Variants in GPC6 observed in about 807,000 individuals in gnomAD.
GPC6 encodes glypican-6.
A neutral mutation model predicts 55.2 loss-of-function variants in GPC6; 14 were observed. The ratio of observed to expected loss-of-function variants is 0.25; its 90% confidence interval spans 0.17 to 0.40. The LOEUF (loss-of-function observed/expected upper bound fraction) is 0.40, where lower values mean the gene tolerates loss of function less well. GPC6 is among the 10% of genes least tolerant of loss of function. The pLI, the probability that GPC6 is intolerant of heterozygous loss-of-function variation, is 1.00. For missense variants in GPC6, 641 were observed against 708.5 expected (o/e 0.90, Z 1.08); for synonymous variants, 278 against 259.6 (o/e 1.07, Z -0.68).
intron 1 of GPC6, among the ~76,000 whole-genome samples, chr13:93,511,506 G>A (rs906146660): frequency 6.6e-6 from 1 of 151,744 alleles, no homozygotes; most frequent in African/African-American, 2.4e-5. Context: ...CTTTATTTCT[G>A]GGTTCTCTAT....
chr13:93,723,064 C>G (rs951908127), intron 2 of GPC6, among the ~76,000 whole-genome samples: 1 of 151,950 alleles, frequency 6.6e-6, no homozygotes, highest in Non-Finnish European at 1.5e-5. Context: ...ACCATTCAAC[C>G]CATAACATAC....
At chr13:94,075,048 G>C (rs1459519181) in intron 4 of GPC6, among the ~76,000 whole-genome samples, 1 of 151,976 alleles carries the variant, frequency 6.6e-6, no homozygotes, top group South Asian at 2.1e-4. Flanking sequence ...TTATAAATTT[G>C]TATAAACCCC....
intron 1 of GPC6, among the ~76,000 whole-genome samples, chr13:93,540,401 C>T (rs1392805006): frequency 1.3e-5 from 2 of 152,024 alleles, no homozygotes; most frequent in South Asian, 2.1e-4. Context: ...CCTAATCCTT[C>T]CTAGGAGCGA....
At chr13:93,431,018 C>T (rs977076490) in intron 1 of GPC6, among the ~76,000 whole-genome samples, 3 of 151,666 alleles carry the variant, frequency 2.0e-5, no homozygotes, top group African/African-American at 4.9e-5. Context: ...TCTACCATTA[C>T]GTGTTTGGAG....
chr13:94,012,380 T>C (rs1055264997), intron 3 of GPC6, among the ~76,000 whole-genome samples: 16 of 152,160 alleles, frequency 1.1e-4, no homozygotes, highest in African/African-American at 2.9e-4. Context: ...GACTTTCTCA[T>C]AGGGCTCATC....
At chr13:94,357,898 C>T (rs1878872183) in intron 6 of GPC6, among the ~76,000 whole-genome samples, 1 of 150,410 alleles carries the variant, frequency 6.6e-6, no homozygotes, top group African/African-American at 2.5e-5. Flanking sequence ...AAAGTAGAAC[C>T]GATGTCTTTT....
intron 3 of GPC6, among the ~76,000 whole-genome samples, chr13:93,975,398 G>A (rs1322213583): frequency 6.6e-6 from 1 of 152,136 alleles, no homozygotes; most frequent in Admixed American, 6.6e-5. Context: ...AGCATGGTGA[G>A]TGAGTGCTGG....
intron 7 of GPC6, among the ~76,000 whole-genome samples, chr13:94,385,125 A>G (rs1433672424): frequency 6.6e-6 from 1 of 152,174 alleles, no homozygotes; most frequent in Non-Finnish European, 1.5e-5. Context: ...CTGTAGTCCC[A>G]GCTACTTAGG....
At chr13:93,972,494 A>G (rs929990223) in intron 3 of GPC6, among the ~76,000 whole-genome samples, 1 of 152,140 alleles carries the variant, frequency 6.6e-6, no homozygotes, top group Non-Finnish European at 1.5e-5. Context: ...AGGTGCTTTC[A>G]GGTTCCCCCC....
intron 3 of GPC6, among the ~76,000 whole-genome samples, chr13:93,917,976 A>T (rs549814516): frequency 1.6e-4 from 25 of 152,098 alleles, no homozygotes; most frequent in Non-Finnish European, 3.2e-4. Flanking sequence ...ACATGCCTGT[A>T]ACCCCAGCTA....
At chr13:93,635,019 G>C (rs1879633973) in intron 2 of GPC6, among the ~76,000 whole-genome samples, 1 of 152,028 alleles carries the variant, frequency 6.6e-6, no homozygotes, top group African/African-American at 2.4e-5. Flanking sequence ...AACTCAGTAA[G>C]AATTATCCCA....
At chr13:93,968,191 C>A (rs1028045988) in intron 3 of GPC6, among the ~76,000 whole-genome samples, 25 of 151,944 alleles carry the variant, frequency 1.6e-4, no homozygotes, top group African/African-American at 6.0e-4. Flanking sequence ...AAGGATGTAG[C>A]CAATTGATAT....
chr13:93,574,688 A>AC (rs1209633183), intron 2 of GPC6, among the ~76,000 whole-genome samples: 1 of 151,902 alleles, frequency 6.6e-6, no homozygotes, highest in Non-Finnish European at 1.5e-5. Flanking sequence ...CACTTCCATT[A>AC]CCCCCCAAAA....
chr13:93,313,864 A>C (rs984089189), intron 1 of GPC6, among the ~76,000 whole-genome samples: 17 of 152,160 alleles, frequency 1.1e-4, no homozygotes, highest in African/African-American at 4.1e-4. Flanking sequence ...TATAAAAATG[A>C]GGGAATTATA....
intron 1 of GPC6, among the ~76,000 whole-genome samples, chr13:93,436,719 A>G (rs1186118146): frequency 6.6e-6 from 1 of 152,178 alleles, no homozygotes; most frequent in Admixed American, 6.6e-5. Flanking sequence ...CTGCCCACTA[A>G]TATGATGGAC....
chr13:93,498,678 C>T (rs978451574), intron 1 of GPC6, among the ~76,000 whole-genome samples: 1 of 152,128 alleles, frequency 6.6e-6, no homozygotes, highest in Non-Finnish European at 1.5e-5. Flanking sequence ...TGAGGCCTCC[C>T]CAGCCACGTG....
chr13:93,939,464 G>C (rs969539417), intron 3 of GPC6, among the ~76,000 whole-genome samples: 1 of 133,590 alleles, frequency 7.5e-6, no homozygotes, highest in Non-Finnish European at 1.7e-5. Context: ...ATAGAATTTT[G>C]GCAGCCTGTA....
At chr13:94,165,649 AT>A (rs1236804571) in intron 4 of GPC6, among the ~76,000 whole-genome samples, 4 of 151,280 alleles carry the variant, frequency 2.6e-5, no homozygotes, top group Non-Finnish European at 5.9e-5. Flanking sequence ...GGAAATAAAA[AT>A]TTTTTTTAAA....
chr13:93,477,782 G>C (rs1404247515), intron 1 of GPC6, among the ~76,000 whole-genome samples: 2 of 152,110 alleles, frequency 1.3e-5, no homozygotes. Flanking sequence ...AAAGAAGCTA[G>C]TATTTGAGAG....
Sources: gnomAD v4.1 joint callset for allele counts (sites outside exome capture counted in the v4.1 genomes callset) on GRCh38, gnomAD v4.1.1 for gene constraint, MANE v1.5 for transcripts, NCBI Gene and HGNC (gene_info 2026-07-23, HGNC 2026-07-21) for gene names.